The following DNAJC3 variants were observed in gnomAD, a reference collection of about 807,000 sequenced individuals.
The protein encoded by DNAJC3 is dnaJ homolog subfamily C member 3.
Under a neutral mutation model 68.6 loss-of-function variants are expected in DNAJC3, and 38 were observed. The observed-to-expected ratio is 0.55, with a 90% CI of 0.43 to 0.73. DNAJC3 has a LOEUF of 0.73. Ranked by LOEUF, DNAJC3 falls within the 30% of genes least tolerant of loss-of-function variation. DNAJC3 has a pLI of 0.00. For missense variants in DNAJC3, 526 were observed against 591.9 expected (o/e 0.89, Z 1.16); for synonymous variants, 203 against 204.0 (o/e 1.00, Z 0.04).
At chr13:95,722,925 T>C (rs1881381956) in intron 2 of DNAJC3, among the ~76,000 whole-genome samples, 1 of 149,924 alleles carries the variant, frequency 6.7e-6, no homozygotes, top group African/African-American at 2.4e-5. Flanking sequence ...GACAAGTAGT[T>C]TCGGCTTTGC....
intron 4 of DNAJC3, among the ~76,000 whole-genome samples, chr13:95,743,446 C>G (rs541014183): frequency 6.6e-6 from 1 of 152,268 alleles, no homozygotes; most frequent in Admixed American, 6.5e-5. Flanking sequence ...TATGATTGGC[C>G]GAGACACCAC....
Position 95,757,678 on chromosome 13 carries a change from A to G in DNAJC3, c.428A>G (p.Glu143Gly). The change falls in exon 5 of 12, where the codon GAA (glutamate) becomes GGA (glycine). Residue 143 changes from glutamate (E) to glycine (G), a missense_variant. Coordinates refer to ENST00000602402, the MANE Select transcript of DNAJC3 (RefSeq NM_006260.5). ...KSNPSENEEK[E>G]AQSQLIKSDE... ...AATCCAAGTGAAAATGAAGAAAAGG[A>G]AGCACAGTCTCAACTTATAAAATCT... 6.3e-7 allele frequency: 1 copy of G among 1,575,656 alleles called. No individual in the cohort carries two copies. Among genetic ancestry groups the G allele is most frequent in the South Asian group, 1.1e-5 (1 of 87,740 alleles).
intron 1 of DNAJC3, among the ~76,000 whole-genome samples, chr13:95,691,839 G>A (rs567351515): frequency 3.3e-5 from 5 of 152,346 alleles, no homozygotes; most frequent in Non-Finnish European, 5.9e-5. Flanking sequence ...GATCACTCGC[G>A]GTTAGGAGCT....
chr13:95,700,470 C>A (rs1188160431), intron 1 of DNAJC3, among the ~76,000 whole-genome samples: 2 of 152,082 alleles, frequency 1.3e-5, no homozygotes, highest in African/African-American at 4.8e-5. Context: ...CTTTCCATTC[C>A]TTATACCAAG....
At chr13:95,778,964 A>G (rs1883359431) in intron 9 of DNAJC3, among the ~76,000 whole-genome samples, 1 of 152,196 alleles carries the variant, frequency 6.6e-6, no homozygotes, top group African/African-American at 2.4e-5. Context: ...TGAATCAGCC[A>G]TACATCTAGA....
intron 10 of DNAJC3, among the ~76,000 whole-genome samples, chr13:95,786,321 G>A (rs1883600847): frequency 6.6e-6 from 1 of 151,930 alleles, no homozygotes; most frequent in Non-Finnish European, 1.5e-5. Context: ...AGCATGAATG[G>A]GTCCTAAGCC....
intron 1 of DNAJC3, among the ~76,000 whole-genome samples, chr13:95,708,832 G>A (rs1031703552): frequency 2.6e-5 from 4 of 152,194 alleles, no homozygotes; most frequent in Admixed American, 1.3e-4. Context: ...ACCTAAAATA[G>A]TGCCTAGTGC....
intron 4 of DNAJC3, among the ~76,000 whole-genome samples, chr13:95,734,378 A>C (rs1292447069): frequency 1.3e-5 from 2 of 152,220 alleles, no homozygotes; most frequent in East Asian, 3.8e-4. Context: ...TCTGCTGAGA[A>C]ATAATCCCGA....
At chr13:95,759,151 A>G (rs1246099073) in intron 5 of DNAJC3, among the ~76,000 whole-genome samples, 1 of 152,216 alleles carries the variant, frequency 6.6e-6, no homozygotes, top group African/African-American at 2.4e-5. Flanking sequence ...GATTTGAAGA[A>G]TACTATTGTG....
intron 4 of DNAJC3, among the ~76,000 whole-genome samples, chr13:95,743,909 C>A (rs1322964400): frequency 6.6e-6 from 1 of 152,090 alleles, no homozygotes; most frequent in Admixed American, 6.6e-5. Flanking sequence ...TAAAGTGATT[C>A]TTCTTTTGTT....
At chr13:95,686,942 G>A (rs1880088652) in intron 1 of DNAJC3, among the ~76,000 whole-genome samples, 1 of 152,116 alleles carries the variant, frequency 6.6e-6, no homozygotes, top group Non-Finnish European at 1.5e-5. Flanking sequence ...GATAGGAATT[G>A]TGTTGAATCT....
intron 9 of DNAJC3, among the ~76,000 whole-genome samples, chr13:95,782,369 G>A (rs1883479389): frequency 6.6e-6 from 1 of 152,148 alleles, no homozygotes; most frequent in South Asian, 2.1e-4. Context: ...GATCCTTGAG[G>A]AATCACCACA....
chr13:95,774,738 C>A (rs1210982770), intron 9 of DNAJC3, among the ~76,000 whole-genome samples: 1 of 152,154 alleles, frequency 6.6e-6, no homozygotes, highest in Non-Finnish European at 1.5e-5. Context: ...TCCTGTTGAT[C>A]ACTGGCAATA....
intron 5 of DNAJC3, among the ~76,000 whole-genome samples, chr13:95,759,095 T>A (rs1187793158): frequency 6.6e-6 from 1 of 152,226 alleles, no homozygotes; most frequent in Non-Finnish European, 1.5e-5. Flanking sequence ...CTAAGAAATA[T>A]GCAAAGATAC....
intron 11 of DNAJC3, among the ~76,000 whole-genome samples, chr13:95,790,591 CAA>C (rs1311327827): frequency 6.6e-6 from 1 of 152,102 alleles, no homozygotes; most frequent in Non-Finnish European, 1.5e-5. Flanking sequence ...GGGTAGTTAT[CAA>C]GCTTGGGTGG....
rs533787043 is a variant in DNAJC3 at position 95,753,644 on chromosome 13, TA to T, written c.394-3999del. On this transcript the variant is annotated intron_variant, in intron 4 of 11. Transcript: ENST00000602402. ...CAGAGAAGTCAAAGAAAGGTTCTAT[TA>T]TTCTAGGACCTTAATCACTGTAACT... is the stretch of plus-strand genomic sequence containing the variant. 1.9e-3 allele frequency among the ~76,000 whole-genome samples: 293 copies of T among 152,332 alleles called. 1 individual carries two copies. Among genetic ancestry groups the T allele is most frequent in the African/African-American group, 6.9e-3 (285 of 41,586 alleles).
At chr13:95,709,203 G>C in intron 1 of DNAJC3, 24 bp from the exon 2 acceptor site, 1 of 1,472,494 alleles carries the variant, frequency 6.8e-7, no homozygotes, top group Non-Finnish European at 9.1e-7. Context: ...AAAGTTAACT[G>C]ATTGTTTTTA....
At position 95,725,260 on chromosome 13, in the gene DNAJC3, C is replaced by G. The variant is rs1881471575; in HGVS notation, c.393+8C>G. On this transcript the variant is annotated splice_region_variant and intron_variant, in intron 4 of 11. Transcript: ENST00000602402. ...GATGATTTTAAAAAAGTGGTAAGTT[C>G]AATATGTATTTGACTCTAGGAAGAT... The G allele has an allele frequency of 2.5e-6, 4 of 1,574,056 alleles. No individual in the cohort carries two copies. The highest frequency in any genetic ancestry group is 1.4e-5 in the African/African-American group (1 of 73,046).
At chr13:95,740,488 G>T (rs1427067223) in intron 4 of DNAJC3, among the ~76,000 whole-genome samples, 1 of 152,210 alleles carries the variant, frequency 6.6e-6, no homozygotes, top group African/African-American at 2.4e-5. Flanking sequence ...GACCCTCCGA[G>T]CCAGGTGCCG....
Sources: gnomAD v4.1 joint callset for allele counts (sites outside exome capture counted in the v4.1 genomes callset) on GRCh38, gnomAD v4.1.1 for gene constraint, MANE v1.5 for transcripts, NCBI Gene and HGNC (gene_info 2026-07-23, HGNC 2026-07-21) for gene names.